The following RIN2 variants were observed in gnomAD, a reference collection of about 807,000 sequenced individuals.
RIN2 encodes the protein RAB5 interacting protein 2.
A neutral mutation model predicts 78.0 loss-of-function variants in RIN2; 36 were observed. That is an observed-to-expected ratio of 0.46 (90% CI 0.35 to 0.61). The LOEUF is 0.61. RIN2 is among the 20% of genes least tolerant of loss of function. The pLI, the probability that RIN2 is intolerant of heterozygous loss-of-function variation, is 0.00. For missense variants in RIN2, 1,087 were observed against 1,159.7 expected, an observed-to-expected ratio of 0.94 and a Z score of 0.91; for synonymous variants, 466 against 466.8, an observed-to-expected ratio of 1.00 and a Z score of 0.02.
At chr20:19,905,125 AC>A (rs2039161586) in intron 3 of RIN2, among the ~76,000 whole-genome samples, 1 of 152,040 alleles carries the variant, frequency 6.6e-6, no homozygotes, top group African/African-American at 2.4e-5. Context: ...GGTCCCCTTG[AC>A]CTGGCTGGGG....
chr20:19,955,358 C>T (rs1210395489), intron 4 of RIN2, among the ~76,000 whole-genome samples: 2 of 151,218 alleles, frequency 1.3e-5, no homozygotes, highest in Non-Finnish European at 2.9e-5. Context: ...TTTTTTGAGA[C>T]AGGGCCTCAC....
intron 4 of RIN2, among the ~76,000 whole-genome samples, chr20:19,955,080 C>A (rs954426027): frequency 4.6e-5 from 7 of 152,124 alleles, no homozygotes; most frequent in Non-Finnish European, 1.0e-4. Flanking sequence ...TGGAAAGAAA[C>A]CTGGTACCTG....
intron 1 of RIN2, among the ~76,000 whole-genome samples, chr20:19,782,319 C>A (rs942970199): frequency 1.3e-5 from 2 of 152,156 alleles, no homozygotes; most frequent in African/African-American, 4.8e-5. Context: ...AATCCCGGCA[C>A]TTTGGGAGGC....
rs113874051 is a variant in RIN2 at position 19,960,467 on chromosome 20, A to G, written c.352-233A>G. Among the ~76,000 whole-genome samples, 2,092 of 152,314 alleles carry G rather than the reference A, an allele frequency of 0.014. 38 individuals are homozygous for G. The highest frequency in any genetic ancestry group is 0.046 in the African/African-American group (1,913 of 41,574). ...GCAGACTAGGGGAGTTCTTAGCCCC[A>G]TGGAGAAGCTTCTGTCAGAGGGAAA... is the stretch of plus-strand genomic sequence containing the variant. On this transcript the variant is annotated intron_variant, in intron 5 of 12. Transcript: ENST00000255006.
At chr20:19,837,722 C>G (rs1405347924) in intron 2 of RIN2, among the ~76,000 whole-genome samples, 1 of 142,968 alleles carries the variant, frequency 7.0e-6, no homozygotes, top group Admixed American at 7.3e-5. Context: ...ATTTGTCAAC[C>G]TTTTTCTCCT....
At chr20:19,842,962 C>A (rs6112605) in intron 2 of RIN2, among the ~76,000 whole-genome samples, 1,945 of 151,972 alleles carry the variant, frequency 0.013, 44 homozygotes, top group African/African-American at 0.043. Flanking sequence ...GAAGTTGATG[C>A]CAACTCTCAT....
intron 2 of RIN2, among the ~76,000 whole-genome samples, chr20:19,818,255 C>T (rs1371686967): frequency 2.6e-5 from 4 of 152,144 alleles, no homozygotes; most frequent in Non-Finnish European, 5.9e-5. Flanking sequence ...TATGGCACCA[C>T]CATTGTATAT....
intron 3 of RIN2, among the ~76,000 whole-genome samples, chr20:19,905,357 G>A (rs989240616): frequency 1.3e-5 from 2 of 152,188 alleles, no homozygotes; most frequent in African/African-American, 4.8e-5. Flanking sequence ...GGCAGGAGAG[G>A]GAGTGAGAGA....
intron 2 of RIN2, among the ~76,000 whole-genome samples, chr20:19,846,882 T>C (rs1181588599): frequency 2.6e-5 from 4 of 152,116 alleles, no homozygotes; most frequent in Non-Finnish European, 5.9e-5. Flanking sequence ...AGCACCTTCT[T>C]CTATGGGCAG....
chr20:19,930,536 G>A (rs1449173679), intron 3 of RIN2, among the ~76,000 whole-genome samples: 3 of 152,208 alleles, frequency 2.0e-5, no homozygotes, highest in Non-Finnish European at 4.4e-5. Flanking sequence ...TGGTTGTGAA[G>A]GTAACCAAAG....
At chr20:19,787,218 C>T (rs370138949) in intron 1 of RIN2, among the ~76,000 whole-genome samples, 8 of 151,852 alleles carry the variant, frequency 5.3e-5, no homozygotes, top group Non-Finnish European at 1.0e-4. Context: ...GTCAGGAGTT[C>T]GAGACCAGCC....
intron 2 of RIN2, among the ~76,000 whole-genome samples, chr20:19,827,225 C>T (rs981666840): frequency 2.0e-5 from 3 of 152,174 alleles, no homozygotes; most frequent in Non-Finnish European, 4.4e-5. Context: ...ATCTGCCTGC[C>T]TCGGCCTCCC....
chr20:19,935,827 A>C (rs894029103), intron 4 of RIN2, among the ~76,000 whole-genome samples: 6 of 152,042 alleles, frequency 3.9e-5, no homozygotes, highest in Non-Finnish European at 5.9e-5. Context: ...GGTGGTGGGA[A>C]GTTGAAGGTG....
chr20:19,870,175 C>G (rs1003219978), intron 2 of RIN2, among the ~76,000 whole-genome samples: 1 of 152,122 alleles, frequency 6.6e-6, no homozygotes, highest in Non-Finnish European at 1.5e-5. Flanking sequence ...TCCCACAGTT[C>G]GATGACCCAA....
chr20:19,837,705 T>C (rs2036463133), intron 2 of RIN2, among the ~76,000 whole-genome samples: 1 of 152,056 alleles, frequency 6.6e-6, no homozygotes, highest in Admixed American at 6.6e-5. Flanking sequence ...ATTTTTAATA[T>C]AATTAAATTT....
intron 4 of RIN2, among the ~76,000 whole-genome samples, chr20:19,952,544 G>T (rs1876813): frequency 6.6e-6 from 1 of 152,096 alleles, no homozygotes; most frequent in Non-Finnish European, 1.5e-5. Context: ...GTTTTATAAG[G>T]CCCCATGAAT....
chr20:19,869,668 C>A (rs1461774019), intron 2 of RIN2, among the ~76,000 whole-genome samples: 2 of 151,272 alleles, frequency 1.3e-5, no homozygotes, highest in African/African-American at 4.9e-5. Flanking sequence ...CTCTGGGGCC[C>A]AAGCTGGAGT....
At chr20:19,860,359 TTGCTCAGGCTGGAGTGCAGTG>T (rs2037295959) in intron 2 of RIN2, among the ~76,000 whole-genome samples, 1 of 47,108 alleles carries the variant, frequency 2.1e-5, no homozygotes, top group Admixed American at 1.6e-4. Context: ...TCTCACTCTG[TTGCTCAGGCTGGAGTGCAGTG>T]GCTCGATGAT....
chr20:19,762,529 A>G (rs1042588154), intron 1 of RIN2, among the ~76,000 whole-genome samples: 9 of 152,196 alleles, frequency 5.9e-5, no homozygotes, highest in Admixed American at 5.2e-4. Context: ...AGAGATATGT[A>G]TTAAACAGGG....
Sources: allele counts gnomAD v4.1 joint callset (sites outside exome capture counted in the v4.1 genomes callset), GRCh38; gene constraint gnomAD v4.1.1; transcripts MANE v1.5; gene names NCBI Gene and HGNC (gene_info 2026-07-23, HGNC 2026-07-21).